ZBTB25: variants seen among roughly 807,000 people sequenced by gnomAD.
ZBTB25 encodes the protein zinc finger and BTB domain containing 25.
A neutral mutation model predicts 34.2 loss-of-function variants in ZBTB25; 20 were observed. The observed-to-expected ratio is 0.58, with a 90% CI of 0.41 to 0.85. The LOEUF (loss-of-function observed/expected upper bound fraction) is 0.85, where lower values mean the gene tolerates loss of function less well. Ranked by LOEUF, ZBTB25 falls within the 40% of genes least tolerant of loss-of-function variation. ZBTB25 has a pLI of 0.00. For missense variants in ZBTB25, 437 were observed against 521.8 expected, an observed-to-expected ratio of 0.84 and a Z score of 1.58; for synonymous variants, 175 against 186.4, an observed-to-expected ratio of 0.94 and a Z score of 0.50.
chr14:64,460,026 T>G, intron 2 of ZBTB25: 1 of 1,066,506 alleles, frequency 9.4e-7, no homozygotes, highest in Middle Eastern at 2.1e-4. Flanking sequence ...GCAATATGAA[T>G]TACAGCCTTA....
chr14:64,502,395 C>T (rs547892657), intron 1 of ZBTB25, among the ~76,000 whole-genome samples: 47 of 152,290 alleles, frequency 3.1e-4, no homozygotes, highest in African/African-American at 1.1e-3. Context: ...TGTCCGATAA[C>T]GGATTCACGA....
chr14:64,500,756 TA>T (rs568351161), intron 1 of ZBTB25, among the ~76,000 whole-genome samples: 106 of 151,500 alleles, frequency 7.0e-4, no homozygotes, highest in African/African-American at 2.4e-3. Context: ...GTCAAATGGA[TA>T]AAGAAAACAT....
chr14:64,468,993 G>C, intron 2 of ZBTB25: 1 of 1,614,168 alleles, frequency 6.2e-7, no homozygotes, highest in Non-Finnish European at 8.5e-7. Context: ...TCAAATGTGA[G>C]CAATAGCACA....
downstream of ZBTB25, among the ~76,000 whole-genome samples, chr14:64,477,678 T>C (rs1377530137): frequency 6.6e-6 from 1 of 152,238 alleles, no homozygotes; most frequent in East Asian, 1.9e-4. Flanking sequence ...TCTTCAGGTT[T>C]TCCTCCCTAT....
intron 1 of ZBTB25, chr14:64,499,300 C>A (rs2079403380): frequency 6.6e-6 from 1 of 152,068 alleles, no homozygotes. Context: ...CATGGCCAGG[C>A]ATGGTGGCTC....
At chr14:64,500,475 A>AAAAAAAAAAAAT (rs35009526) in intron 1 of ZBTB25, among the ~76,000 whole-genome samples, 1 of 70,526 alleles carries the variant, frequency 1.4e-5, no homozygotes, top group African/African-American at 3.7e-5. Context: ...AAAAAAAAAA[A>AAAAAAAAAAAAT]AGAGAGAGAG....
At chr14:64,464,215 A>AT (rs1394430370) in intron 2 of ZBTB25, among the ~76,000 whole-genome samples, 2 of 143,850 alleles carry the variant, frequency 1.4e-5, no homozygotes, top group East Asian at 1.9e-4. Flanking sequence ...AATTTTTTAG[A>AT]TTTTTTTGTC....
chr14:64,450,134 G>A (rs908392025), intron 2 of ZBTB25, among the ~76,000 whole-genome samples: 4 of 152,168 alleles, frequency 2.6e-5, no homozygotes, highest in Admixed American at 1.3e-4. Context: ...CTTACAGAGG[G>A]GATTTAAGCA....
At position 64,490,519 on chromosome 14, in the gene ZBTB25, G is replaced by A; in HGVS notation, c.15C>T (p.Ser5=). MDTA[S]HSLVLLQQLN... is the part of the protein sequence containing the mutation. The stretch of plus-strand genomic sequence containing the variant: ...GCTGCTGGAGAAGAACAAGGCTATG[G>A]CTGGCAGTGTCCATTGTGGTTCTGA... The change falls in exon 2 of 3, where the codon AGC becomes AGT. Residue 5 remains serine, a synonymous_variant. Coordinates refer to ENST00000608382, the MANE Select transcript of ZBTB25 (RefSeq NM_006977.5). The A allele has an allele frequency of 6.2e-7, 1 of 1,612,764 alleles. No homozygotes were observed. Among genetic ancestry groups the A allele is most frequent in the South Asian group, 1.1e-5 (1 of 90,914 alleles).
rs1013492244 is a variant in ZBTB25 at position 64,502,991 on chromosome 14, G to A, written c.-8+670C>T. 5 of 985,310 alleles carry A rather than the reference G, an allele frequency of 5.1e-6. No individual in the cohort carries two copies. The African/African-American group carries it at 7.0e-5, about 14-fold the overall frequency. 61.0% of individuals were successfully genotyped at this position (985,310 alleles called of 1,614,324 possible). A position where few individuals can be genotyped will look rare whatever the true frequency, so the allele number is the denominator to read the frequency against. On this transcript the variant is annotated intron_variant, in intron 1 of 2. Coordinates refer to ENST00000608382, the MANE Select transcript of ZBTB25 (RefSeq NM_006977.5). ...AAATTTAATCCCTTGGGGTGATGCG[G>A]GCGCTAACTGTTGAAACATGCTAGG...
intron 1 of ZBTB25, 78 bp from the exon 2 acceptor site, chr14:64,490,618 A>G (rs2079046113): frequency 7.7e-7 from 1 of 1,305,068 alleles, no homozygotes; most frequent in Non-Finnish European, 1.0e-6. Context: ...AAAATTGTCT[A>G]CAGTTCACAC....
intron 2 of ZBTB25, chr14:64,453,961 A>C: frequency 1.3e-6 from 1 of 754,600 alleles, no homozygotes; most frequent in Non-Finnish European, 2.4e-6. Context: ...CCGTTGCTTC[A>C]CTTCTCTGGG....
chr14:64,493,163 G>A (rs2079147287), intron 1 of ZBTB25, among the ~76,000 whole-genome samples: 1 of 152,230 alleles, frequency 6.6e-6, no homozygotes, highest in South Asian at 2.1e-4. Context: ...CTAAAAAGTA[G>A]TGTCGTGTTT....
chr14:64,482,001 CAAAT>C lies in ZBTB25; in HGVS notation c.*4918_*4921del, dbSNP rs1385505000. On this transcript the variant is annotated 3_prime_UTR_variant, in exon 3 of 3. Coordinates refer to ENST00000608382, the MANE Select transcript of ZBTB25 (RefSeq NM_006977.5). Reference sequence around the variant, plus strand: ...TCACAACATCAAGAATGTGCCTGTACAAATAAATGTTAACGAAATTACACATTTT... The same window carrying C: ...TCACAACATCAAGAATGTGCCTGTACAAATGTTAACGAAATTACACATTTT... The C allele has an allele frequency of 6.6e-6, 1 of 152,292 alleles. No homozygotes were observed. Among genetic ancestry groups the C allele is most frequent in the Admixed American group, 6.5e-5 (1 of 15,286 alleles). The allele number at this position is 152,292 out of a possible 1,614,324, so 9.4% of individuals were successfully genotyped here. A position where few individuals can be genotyped will look rare whatever the true frequency, so the allele number is the denominator to read the frequency against.
At chr14:64,451,502 T>C (rs1181530577) in intron 2 of ZBTB25, among the ~76,000 whole-genome samples, 1 of 152,376 alleles carries the variant, frequency 6.6e-6, no homozygotes, top group Non-Finnish European at 1.5e-5. Flanking sequence ...TTTGATTTTA[T>C]AGGCAAGTTT....
At chr14:64,493,844 CAAA>C (rs34544996) in intron 1 of ZBTB25, among the ~76,000 whole-genome samples, 1 of 135,040 alleles carries the variant, frequency 7.4e-6, no homozygotes, top group Admixed American at 7.4e-5. Flanking sequence ...GACCCCACCT[CAAA>C]AAAAAAAAAA....
At chr14:64,505,129 G>T, upstream of ZBTB25, 3 of 343,960 alleles carry the variant, frequency 8.7e-6, no homozygotes, top group Non-Finnish European at 1.0e-5. Context: ...CTTGTTGCCG[G>T]CGCGTCAGGT....
rs577844234 is a variant in ZBTB25, at chr14:64,469,637, A to G, written c.174-19999T>C. Reference sequence around the variant, plus strand: ...GTCAATAGAACAGCTGGTTAATGAAATGGCCTCTGATGATAATAAAATAAA... The same window carrying G: ...GTCAATAGAACAGCTGGTTAATGAAGTGGCCTCTGATGATAATAAAATAAA... On this transcript the variant is annotated intron_variant, in intron 2 of 2. Transcript: ENST00000555220. 18 of 1,598,980 alleles carry G rather than the reference A, an allele frequency of 1.1e-5. No individual in the cohort carries two copies. In the East Asian group the frequency reaches 3.6e-4, roughly 32 times the overall value.
chr14:64,503,638 A>C (rs2079573181), intron 1 of ZBTB25, 23 bp downstream of exon 1: 2 of 976,304 alleles, frequency 2.0e-6, no homozygotes, highest in Non-Finnish European at 2.4e-6. Context: ...GGCAGCCCAC[A>C]GGGGCAGGAC....
Sources: allele counts gnomAD v4.1 joint callset (sites outside exome capture counted in the v4.1 genomes callset), GRCh38; gene constraint gnomAD v4.1.1; transcripts MANE v1.5; gene names NCBI Gene and HGNC (gene_info 2026-07-23, HGNC 2026-07-21).